The following CNTNAP3B variants were observed in gnomAD, a reference collection of about 807,000 sequenced individuals.
CNTNAP3B encodes the protein contactin-associated protein-like 3B.
In CNTNAP3B, 25 loss-of-function variants were observed where a neutral mutation model predicts 108.9. The ratio of observed to expected loss-of-function variants is 0.23; its 90% CI spans 0.17 to 0.32. The LOEUF (loss-of-function observed/expected upper bound fraction) is 0.32. Ranked by LOEUF, CNTNAP3B falls within the 10% of genes least tolerant of loss-of-function variation. The pLI, the probability that CNTNAP3B is intolerant of heterozygous loss-of-function variation, is 1.00. For synonymous variants in CNTNAP3B, 103 were observed against 473.4 expected, an observed-to-expected ratio of 0.22 and a Z score of 10.16; for missense variants, 252 against 1,210.4, an observed-to-expected ratio of 0.21 and a Z score of 11.75.
chr9:42,125,864 C>T (rs1438769894), intron 1 of CNTNAP3B, among the ~76,000 whole-genome samples: 2 of 127,432 alleles, frequency 1.6e-5, no homozygotes, highest in South Asian at 2.7e-4. Flanking sequence ...GTGATCCACC[C>T]GCCTCAGCCT....
At chr9:42,113,794 G>A (rs1348512671) in intron 1 of CNTNAP3B, among the ~76,000 whole-genome samples, 1 of 139,120 alleles carries the variant, frequency 7.2e-6, no homozygotes, top group East Asian at 2.2e-4. Context: ...CTTAAAGAGT[G>A]TAATTGGATT....
At chr9:41,919,511 G>A (rs1220038926) in intron 18 of CNTNAP3B, among the ~76,000 whole-genome samples, 3 of 152,308 alleles carry the variant, frequency 2.0e-5, no homozygotes, top group Admixed American at 2.0e-4. Flanking sequence ...CAAAGTGTTT[G>A]AGTGATCCTG....
At chr9:42,089,730 G>A (rs1462021733) in intron 2 of CNTNAP3B, among the ~76,000 whole-genome samples, 2 of 147,574 alleles carry the variant, frequency 1.4e-5, no homozygotes, top group Non-Finnish European at 3.0e-5. Context: ...TCTGAATAGT[G>A]GAGAAATATG....
chr9:41,964,794 T>G, intron 10 of CNTNAP3B, 150 bp from the exon 11 acceptor site: 1 of 858,166 alleles, frequency 1.2e-6, no homozygotes, highest in Non-Finnish European at 1.8e-6. Context: ...GTTCTCTAAT[T>G]ATATTGACAA....
At chr9:41,957,918 G>T (rs1306045820) in intron 12 of CNTNAP3B, among the ~76,000 whole-genome samples, 2 of 152,036 alleles carry the variant, frequency 1.3e-5, no homozygotes, top group African/African-American at 2.4e-5. Flanking sequence ...CCGCCACTAC[G>T]CCCGGCTAAT....
At chr9:41,933,704 T>G (rs919232649) in intron 14 of CNTNAP3B, among the ~76,000 whole-genome samples, 96 of 152,358 alleles carry the variant, frequency 6.3e-4, no homozygotes, top group African/African-American at 2.2e-3. Context: ...AATCATATTA[T>G]CTACAATATC....
intron 2 of CNTNAP3B, 98 bp from the exon 3 acceptor site, chr9:42,077,160 T>C: frequency 1.5e-6 from 1 of 679,420 alleles, no homozygotes; most frequent in Non-Finnish European, 2.3e-6. Context: ...GAATATATAT[T>C]AAGAAAATCA....
intron 3 of CNTNAP3B, among the ~76,000 whole-genome samples, chr9:42,016,803 T>C (rs1826223947): frequency 6.6e-6 from 1 of 150,704 alleles, no homozygotes; most frequent in African/African-American, 2.5e-5. Context: ...CTTTGTAAAG[T>C]AGAAAAATTA....
chr9:42,114,948 G>A (rs1828279842), intron 1 of CNTNAP3B, among the ~76,000 whole-genome samples: 1 of 135,656 alleles, frequency 7.4e-6, no homozygotes, highest in Non-Finnish European at 1.6e-5. Context: ...CAGCTACTCG[G>A]GAGGCTGAGG....
At chr9:41,950,772 T>C (rs1164780962) in intron 13 of CNTNAP3B, among the ~76,000 whole-genome samples, 1 of 103,230 alleles carries the variant, frequency 9.7e-6, no homozygotes, top group African/African-American at 3.9e-5. Context: ...TTTTTTTTTT[T>C]TGAGACGGAA....
rs1334661344 is a variant in CNTNAP3B at position 41,961,623 on chromosome 9, G to A, written c.1757-731C>T. On this transcript the variant is annotated intron_variant, in intron 11 of 23. Coordinates refer to ENST00000377561, the MANE Select transcript of CNTNAP3B (RefSeq NM_001201380.3). ...GCTTCCTTTAAAACAATATGAATGA[G>A]CATTTTAAAGAGATAAATGGAATTT... Among the ~76,000 whole-genome samples the A allele has an allele frequency of 5.4e-4, 82 of 152,344 alleles. No individual in the cohort carries two copies. The East Asian group carries it at 0.01, about 19-fold the overall frequency.
chr9:42,115,327 T>G (rs1192074166), intron 1 of CNTNAP3B, among the ~76,000 whole-genome samples: 3 of 131,610 alleles, frequency 2.3e-5, no homozygotes, highest in African/African-American at 6.1e-5. Flanking sequence ...AGAAGACAGG[T>G]GATTTCTGAA....
At chr9:42,030,816 G>C (rs1564177978) in intron 3 of CNTNAP3B, among the ~76,000 whole-genome samples, 5 of 109,614 alleles carry the variant, frequency 4.6e-5, no homozygotes, top group African/African-American at 1.7e-4. Flanking sequence ...AGAGAGAGGA[G>C]AGAGAGAGAG....
At chr9:41,929,131 C>CA (rs1823903479) in intron 15 of CNTNAP3B, among the ~76,000 whole-genome samples, 186 bp downstream of exon 15, 1 of 149,120 alleles carries the variant, frequency 6.7e-6, no homozygotes, top group Non-Finnish European at 1.5e-5. Context: ...TAAACTAATG[C>CA]TTCAGTAAGG....
intron 12 of CNTNAP3B, among the ~76,000 whole-genome samples, chr9:41,955,932 C>T (rs1824843589): frequency 1.3e-5 from 2 of 152,228 alleles, no homozygotes; most frequent in Admixed American, 1.3e-4. Context: ...ATGTGACCTA[C>T]TGAACCTAGC....
intron 2 of CNTNAP3B, among the ~76,000 whole-genome samples, chr9:42,080,406 C>A (rs568750983): frequency 7.1e-6 from 1 of 139,920 alleles, no homozygotes; most frequent in Non-Finnish European, 1.5e-5. Context: ...AATCTGCAAT[C>A]CCAGATGCAT....
chr9:41,931,028 C>T (rs3011063), intron 14 of CNTNAP3B, among the ~76,000 whole-genome samples: 1,354 of 151,068 alleles, frequency 9.0e-3, no homozygotes, highest in South Asian at 0.032. Flanking sequence ...AGTCCAGTTA[C>T]GGTTAGAAAC....
intron 17 of CNTNAP3B, among the ~76,000 whole-genome samples, chr9:41,921,192 T>G (rs1401898909): frequency 1.3e-5 from 2 of 152,306 alleles, no homozygotes; most frequent in Admixed American, 6.5e-5. Context: ...GAATGCTGAT[T>G]CTAGGTGAAT....
chr9:41,931,943 T>A (rs1588047181), intron 14 of CNTNAP3B, among the ~76,000 whole-genome samples: 2 of 152,066 alleles, frequency 1.3e-5, no homozygotes, highest in African/African-American at 4.8e-5. Context: ...AATGTGTAAA[T>A]GAAATCCACA....
Sources: allele counts gnomAD v4.1 joint callset (sites outside exome capture counted in the v4.1 genomes callset), GRCh38; gene constraint gnomAD v4.1.1; transcripts MANE v1.5; gene names NCBI Gene and HGNC (gene_info 2026-07-23, HGNC 2026-07-21).